Variants in CLUAP1 observed in about 807,000 individuals in gnomAD.
The protein encoded by CLUAP1 is intraflagellar transport 38.
Under a neutral mutation model 55.0 loss-of-function variants are expected in CLUAP1, and 50 were observed. That is an observed-to-expected ratio of 0.91 (90% CI 0.72 to 1.15). The LOEUF is 1.15. Among genes scored for constraint, CLUAP1 ranks in the 50% most tolerant of loss-of-function variants. The pLI, the probability that CLUAP1 is intolerant of heterozygous loss-of-function variation, is 0.00. For synonymous variants in CLUAP1, 195 were observed against 175.4 expected (o/e 1.11, Z -0.88); for missense variants, 530 against 507.6 (o/e 1.04, Z -0.42).
At chr16:3,532,698 T>C in intron 10 of CLUAP1, 88 bp from the exon 11 acceptor site, 11 of 1,417,382 alleles carry the variant, frequency 7.8e-6, no homozygotes, top group Non-Finnish European at 1.1e-5. Context: ...AAAGCCAACA[T>C]GCCTGGCCAG....
chr16:3,506,565 G>C, intron 3 of CLUAP1, 150 bp downstream of exon 3: 1 of 658,320 alleles, frequency 1.5e-6, no homozygotes, highest in South Asian at 1.8e-5. Flanking sequence ...CCGGAGTGCA[G>C]TGGCACAATC....
At chr16:3,504,044 T>C (rs1461517181) in intron 1 of CLUAP1, among the ~76,000 whole-genome samples, 1 of 152,200 alleles carries the variant, frequency 6.6e-6, no homozygotes, top group African/African-American at 2.4e-5. Context: ...CAAGTCCTGC[T>C]CTCTTGAAAG....
upstream of CLUAP1, among the ~76,000 whole-genome samples, chr16:3,497,028 G>T (rs1314744278): frequency 6.6e-6 from 1 of 151,760 alleles, no homozygotes; most frequent in Non-Finnish European, 1.5e-5. Flanking sequence ...CCACCACCAC[G>T]CCCAACGGAT....
chr16:3,512,297 A>T, intron 4 of CLUAP1, 86 bp from the exon 5 acceptor site: 3 of 988,916 alleles, frequency 3.0e-6, no homozygotes, highest in Non-Finnish European at 4.8e-6. Flanking sequence ...GGAGTTAGAG[A>T]GCAGCCTGGG....
Position 3,501,043 on chromosome 16 carries a change from C to T in CLUAP1, c.-25C>T. On this transcript the variant is annotated 5_prime_UTR_variant, in exon 1 of 12. Coordinates refer to ENST00000576634, the MANE Select transcript of CLUAP1 (RefSeq NM_015041.3). ...CGCTGAGGGGCGAGCAGTTGCGACC[C>T]TGGGCTCCTGGGGACCTGAGCGTTA... The T allele has an allele frequency of 6.3e-7, 1 of 1,597,564 alleles. No individual in the cohort carries two copies. Among genetic ancestry groups the T allele is most frequent in the South Asian group, 1.1e-5 (1 of 89,168 alleles).
chr16:3,496,476 A>G, upstream of CLUAP1: 1 of 757,322 alleles, frequency 1.3e-6, no homozygotes, highest in Non-Finnish European at 2.2e-6. Flanking sequence ...GGATGACGCG[A>G]GGGTTCAGGA....
chr16:3,513,741 C>G (rs952806753), intron 5 of CLUAP1, among the ~76,000 whole-genome samples: 1 of 152,196 alleles, frequency 6.6e-6, no homozygotes, highest in East Asian at 1.9e-4. Context: ...TGAGCCACTG[C>G]GTCTGGCCTA....
rs1275283206 is a variant in CLUAP1 at position 3,532,918 on chromosome 16, C to T, written c.1092+77C>T. 5.9e-6 allele frequency: 9 copies of T among 1,528,458 alleles called. No homozygotes were observed. In the Middle Eastern group the frequency reaches 5.1e-4, roughly 86 times the overall value. 94.7% of individuals were successfully genotyped at this position (1,528,458 alleles called of 1,614,324 possible). A position where few individuals can be genotyped will look rare whatever the true frequency, so the allele number is the denominator to read the frequency against. Reference sequence around the variant, plus strand: ...CCCATAGATGGGAGTGGCTGAGTTGCTGTCAGCAGCCAGGGAGCCGTCTAT... The same window carrying T: ...CCCATAGATGGGAGTGGCTGAGTTGTTGTCAGCAGCCAGGGAGCCGTCTAT... On this transcript the variant is annotated intron_variant, in intron 11 of 11. Transcript: ENST00000576634.
At chr16:3,529,712 A>G (rs1198668831) in intron 9 of CLUAP1, among the ~76,000 whole-genome samples, 1 of 31,878 alleles carries the variant, frequency 3.1e-5, no homozygotes, top group East Asian at 1.9e-3. Context: ...TATATATTAT[A>G]TAATATTATA....
intron 10 of CLUAP1, among the ~76,000 whole-genome samples, chr16:3,531,362 T>C (rs750073008): frequency 2.0e-4 from 30 of 148,142 alleles, no homozygotes; most frequent in Non-Finnish European, 3.3e-4. Context: ...CTACTAAAAA[T>C]AAAAAAAAAA....
At chr16:3,516,865 AAAGT>A (rs2037738315) in intron 6 of CLUAP1, among the ~76,000 whole-genome samples, 1 of 152,160 alleles carries the variant, frequency 6.6e-6, no homozygotes, top group Non-Finnish European at 1.5e-5. Flanking sequence ...GAAGTACGAG[AAAGT>A]AAGGAAGAGT....
chr16:3,496,873 C>CTT (rs369156559), upstream of CLUAP1: 536 of 244,418 alleles, frequency 2.2e-3, no homozygotes, highest in South Asian at 3.6e-3. Context: ...TTTTTCTTTT[C>CTT]TTTTTTTTTT....
At position 3,501,025 on chromosome 16, in the gene CLUAP1, G is replaced by A. The variant is rs1442349822; in HGVS notation, c.-43G>A. 4 of 1,589,934 alleles carry A rather than the reference G, an allele frequency of 2.5e-6. No individual in the cohort carries two copies. The highest frequency in any genetic ancestry group is 3.4e-5 in the Admixed American group (2 of 58,270). ...GAGCGCTGGGCCTGTGATCGCTGAG[G>A]GGCGAGCAGTTGCGACCCTGGGCTC... On this transcript the variant is annotated 5_prime_UTR_variant, in exon 1 of 12. Transcript: ENST00000576634.
chr16:3,504,786 C>G lies in CLUAP1; in HGVS notation c.89C>G (p.Pro30Arg), dbSNP rs1184710527. 1.1e-5 allele frequency: 17 copies of G among 1,613,308 alleles called. No homozygotes were observed. Among genetic ancestry groups the G allele is most frequent in the Non-Finnish European group, 1.4e-5 (16 of 1,179,254 alleles). The change falls in exon 2 of 12, where the codon CCC (proline) becomes CGC (arginine). Residue 30 changes from proline to arginine, a missense_variant. By Grantham distance (103) the Pro-to-Arg change is moderately radical. Coordinates refer to ENST00000576634, the MANE Select transcript of CLUAP1 (RefSeq NM_015041.3). ...ATTTCTATGGAAAATTTCCGTACAC[C>G]CAATTTTGGACTTGTATCTGAAGTG... Reference protein sequence around the residue: ...RHISMENFRTPNFGLVSEVLL... With the variant: ...RHISMENFRTRNFGLVSEVLL...
At chr16:3,496,309 G>T, upstream of CLUAP1, 1 of 992,968 alleles carries the variant, frequency 1.0e-6, no homozygotes, top group South Asian at 1.3e-5. Flanking sequence ...ACAGGTTACC[G>T]TCCAGACGAA....
At chr16:3,496,503 G>A (rs62031813), upstream of CLUAP1, 22,188 of 622,434 alleles carry the variant, frequency 0.036, 530 homozygotes, top group South Asian at 0.052. Flanking sequence ...CAAACTTAAG[G>A]TGTGTGCGCT....
the CLUAP1 span, chr16:3,495,477 C>A: frequency 1.9e-6 from 3 of 1,587,996 alleles, no homozygotes; most frequent in Non-Finnish European, 2.6e-6. Flanking sequence ...CAGGGCCCTG[C>A]TCTCCCCTGC....
At chr16:3,507,019 AC>A (rs1427942008) in intron 3 of CLUAP1, among the ~76,000 whole-genome samples, 1 of 149,946 alleles carries the variant, frequency 6.7e-6, no homozygotes, top group Non-Finnish European at 1.5e-5. Context: ...GCAGGGTGAA[AC>A]CCCGTCTCCA....
At chr16:3,534,064 G>C (rs77653311) in intron 11 of CLUAP1, 1 of 152,266 alleles carries the variant, frequency 6.6e-6, no homozygotes, top group African/African-American at 2.4e-5. Flanking sequence ...CATCCAACAC[G>C]TGTCTGTTGA....
Sources: allele counts gnomAD v4.1 joint callset (sites outside exome capture counted in the v4.1 genomes callset), GRCh38; gene constraint gnomAD v4.1.1; transcripts MANE v1.5; gene names NCBI Gene and HGNC (gene_info 2026-07-23, HGNC 2026-07-21).